SLC16A10: variants seen among roughly 807,000 people sequenced by gnomAD.
The protein encoded by SLC16A10 is solute carrier family 16 member 10.
SLC16A10 carries 27 observed loss-of-function variants against 40.0 expected under a neutral mutation model. That is an observed-to-expected ratio of 0.67 (90% CI 0.50 to 0.93). The LOEUF (loss-of-function observed/expected upper bound fraction) is 0.93. Among genes scored for constraint, SLC16A10 ranks in the 40% least tolerant of loss-of-function variants. The pLI, the probability that SLC16A10 is intolerant of heterozygous loss-of-function variation, is 0.00. For missense variants in SLC16A10, 529 were observed against 658.2 expected (o/e 0.80, Z 2.15); for synonymous variants, 213 against 249.8 (o/e 0.85, Z 1.39).
chr6:111,098,625 G>A (rs1771119771), intron 1 of SLC16A10, among the ~76,000 whole-genome samples: 1 of 152,138 alleles, frequency 6.6e-6, no homozygotes, highest in South Asian at 2.1e-4. Context: ...AAGTATTAAT[G>A]CCAAGTCAAG....
intron 1 of SLC16A10, among the ~76,000 whole-genome samples, chr6:111,098,496 A>T (rs1320702464): frequency 1.3e-5 from 2 of 152,172 alleles, no homozygotes; most frequent in Non-Finnish European, 2.9e-5. Flanking sequence ...GCCAAAATTT[A>T]TATTTGTGTT....
intron 3 of SLC16A10, among the ~76,000 whole-genome samples, chr6:111,200,100 A>T (rs1299878025): frequency 6.6e-6 from 1 of 152,106 alleles, no homozygotes; most frequent in Non-Finnish European, 1.5e-5. Flanking sequence ...ACAAACAACC[A>T]ATCACCCATG....
intron 1 of SLC16A10, among the ~76,000 whole-genome samples, chr6:111,171,815 CAAA>C (rs11396709): frequency 7.0e-5 from 6 of 86,038 alleles, no homozygotes; most frequent in Non-Finnish European, 9.8e-5. Context: ...GACCTTTTCT[CAAA>C]AAAAAAAAAA....
At chr6:111,119,983 G>A (rs1771555113) in intron 1 of SLC16A10, among the ~76,000 whole-genome samples, 1 of 152,206 alleles carries the variant, frequency 6.6e-6, no homozygotes, top group Non-Finnish European at 1.5e-5. Context: ...GTTGGCTTAA[G>A]CCATTAAGTA....
intron 1 of SLC16A10, among the ~76,000 whole-genome samples, chr6:111,133,711 G>GCA (rs1771826754): frequency 6.6e-6 from 1 of 152,042 alleles, no homozygotes; most frequent in African/African-American, 2.4e-5. Flanking sequence ...CTAACCTGAT[G>GCA]TCCCCCTGAC....
At chr6:111,112,280 C>T (rs767947113) in intron 1 of SLC16A10, among the ~76,000 whole-genome samples, 2 of 152,152 alleles carry the variant, frequency 1.3e-5, no homozygotes, top group African/African-American at 4.8e-5. Flanking sequence ...AGCAGTCCTC[C>T]TGCCTTGGCC....
intron 3 of SLC16A10, chr6:111,193,315 G>A (rs1773027481): frequency 1.0e-6 from 1 of 985,420 alleles, no homozygotes; most frequent in Admixed American, 6.2e-5. Flanking sequence ...GCTGCAATTT[G>A]ACTGTTCAGG....
At chr6:111,177,143 G>C in intron 2 of SLC16A10, 69 bp from the exon 3 acceptor site, 7 of 1,112,110 alleles carry the variant, frequency 6.3e-6, no homozygotes, top group African/African-American at 1.6e-5. Context: ...TATACTATAA[G>C]ATTTTATTCT....
Position 111,100,918 on chromosome 6 carries a change from T to C in SLC16A10, c.343+12823T>C, listed in dbSNP as rs111397425. On this transcript the variant is annotated intron_variant, in intron 1 of 5. Coordinates refer to ENST00000368851, the MANE Select transcript of SLC16A10 (RefSeq NM_018593.5). ...CAGTATAGTCTATCAGTATAGTAAT[T>C]GTTTATCTGAAACTTGGGGTTCTCT... Among the ~76,000 whole-genome samples, 425 of 149,546 alleles carry C rather than the reference T, an allele frequency of 2.8e-3. 5 individuals carry two copies. The highest frequency in any genetic ancestry group is 9.8e-3 in the African/African-American group (401 of 40,832).
chr6:111,166,467 T>TTA (rs1554259280), intron 1 of SLC16A10, among the ~76,000 whole-genome samples: 1 of 150,466 alleles, frequency 6.6e-6, no homozygotes, highest in East Asian at 1.9e-4. Context: ...GATTAGCAAA[T>TTA]TATATATATA....
At chr6:111,152,487 A>G (rs544489101) in intron 1 of SLC16A10, among the ~76,000 whole-genome samples, 1 of 152,364 alleles carries the variant, frequency 6.6e-6, no homozygotes, top group South Asian at 2.1e-4. Flanking sequence ...CATTCTGTTC[A>G]ATATTTTTAT....
rs180914966 is a variant in SLC16A10, at chr6:111,168,064, C to T, written c.344-4631C>T. ...GCACAGTCTCAGCTCACTGGAAACT[C>T]CACCTCCCAGATTCAAGCGATTCTC... is the stretch of plus-strand genomic sequence containing the variant. On this transcript the variant is annotated intron_variant, in intron 1 of 5. Transcript: ENST00000368851. Among the ~76,000 whole-genome samples the T allele has an allele frequency of 9.6e-3, 1,455 of 152,056 alleles. 5 individuals carry two copies. The highest frequency in any genetic ancestry group is 0.017 in the African/African-American group (706 of 41,442).
At chr6:111,182,827 C>G (rs895150890) in intron 3 of SLC16A10, among the ~76,000 whole-genome samples, 1 of 152,146 alleles carries the variant, frequency 6.6e-6, no homozygotes, top group African/African-American at 2.4e-5. Context: ...TTCTTGCACA[C>G]CATAGTCCTG....
intron 3 of SLC16A10, among the ~76,000 whole-genome samples, chr6:111,182,498 T>A (rs1035466004): frequency 1.4e-5 from 1 of 71,176 alleles, no homozygotes; most frequent in African/African-American, 4.9e-5. Context: ...TCCCCTGATC[T>A]TTTTCTCCAT....
At chr6:111,203,583 G>C (rs909705399) in intron 3 of SLC16A10, among the ~76,000 whole-genome samples, 1 of 151,936 alleles carries the variant, frequency 6.6e-6, no homozygotes, top group Non-Finnish European at 1.5e-5. Flanking sequence ...TTAGCTGGGC[G>C]TGGTGGTGCA....
rs531115161 is a variant in SLC16A10, at chr6:111,103,796, G to T, written c.343+15701G>T. On this transcript the variant is annotated intron_variant, in intron 1 of 5. Transcript: ENST00000368851. Reference sequence around the variant, plus strand: ...TTCTCAGCATATCTAACAGAAGAGGGTATCCGAGGTGAGAGTGTAAGGCCT... The same window carrying T: ...TTCTCAGCATATCTAACAGAAGAGGTTATCCGAGGTGAGAGTGTAAGGCCT... Among the ~76,000 whole-genome samples the T allele has an allele frequency of 2.0e-5, 3 of 152,320 alleles. No homozygotes were observed. The East Asian group carries it at 5.8e-4, about 29-fold the overall frequency.
At chr6:111,132,069 A>G (rs1771792831) in intron 1 of SLC16A10, among the ~76,000 whole-genome samples, 1 of 152,162 alleles carries the variant, frequency 6.6e-6, no homozygotes. Context: ...GAACCCAGAT[A>G]GTCTTGTCCC....
intron 1 of SLC16A10, among the ~76,000 whole-genome samples, chr6:111,112,695 A>G (rs925170127): frequency 7.9e-5 from 12 of 152,212 alleles, no homozygotes; most frequent in African/African-American, 2.9e-4. Context: ...TCCAATGTCT[A>G]TTTAATTAGT....
intron 2 of SLC16A10, 29 bp from the exon 3 acceptor site, chr6:111,177,183 T>A (rs1406805021): frequency 7.2e-7 from 1 of 1,395,340 alleles, no homozygotes; most frequent in Non-Finnish European, 9.5e-7. Context: ...TATTGAAAGC[T>A]GCTTTCCATC....
Sources: gnomAD v4.1 joint callset for allele counts (sites outside exome capture counted in the v4.1 genomes callset) on GRCh38, gnomAD v4.1.1 for gene constraint, MANE v1.5 for transcripts, NCBI Gene and HGNC (gene_info 2026-07-23, HGNC 2026-07-21) for gene names.